Variants in MACROD2 observed in about 807,000 individuals in gnomAD.
MACROD2 encodes the protein mono-ADP ribosylhydrolase 2, also known as ADP-ribose glycohydrolase MACROD2.
MACROD2 carries 36 observed loss-of-function variants against 70.4 expected under a neutral mutation model. That is an observed-to-expected ratio of 0.51 (90% CI 0.39 to 0.68). MACROD2 has a LOEUF of 0.68. Ranked by LOEUF, MACROD2 falls within the 30% of genes least tolerant of loss-of-function variation. The probability of loss-of-function intolerance (pLI) is 0.00; values close to 1 mark genes in which losing one functional copy is unlikely to be tolerated. For synonymous variants in MACROD2, 172 were observed against 178.8 expected (o/e 0.96, Z 0.30); for missense variants, 496 against 538.4 (o/e 0.92, Z 0.78).
intron 5 of MACROD2, among the ~76,000 whole-genome samples, chr20:15,171,577 C>T (rs564565359): frequency 6.6e-6 from 1 of 152,196 alleles, no homozygotes; most frequent in East Asian, 1.9e-4. Context: ...TTAACTTGTA[C>T]TTTCTTTAGC....
chr20:14,607,741 T>A (rs1982899217), intron 4 of MACROD2, among the ~76,000 whole-genome samples: 1 of 152,194 alleles, frequency 6.6e-6, no homozygotes, highest in Non-Finnish European at 1.5e-5. Context: ...GGAGCCACTT[T>A]ATGAATCATA....
intron 6 of MACROD2, among the ~76,000 whole-genome samples, chr20:15,269,116 G>A (rs1210745543): frequency 6.6e-6 from 1 of 152,224 alleles, no homozygotes; most frequent in African/African-American, 2.4e-5. Flanking sequence ...ATTGTTAAAT[G>A]ATTTCATTGG....
At chr20:14,854,675 C>G (rs1387004018) in intron 5 of MACROD2, among the ~76,000 whole-genome samples, 1 of 152,132 alleles carries the variant, frequency 6.6e-6, no homozygotes, top group Non-Finnish European at 1.5e-5. Context: ...GGAAAGAATG[C>G]AGGTTTCGTG....
At chr20:15,583,126 T>A (rs1474115390) in intron 8 of MACROD2, among the ~76,000 whole-genome samples, 1 of 152,166 alleles carries the variant, frequency 6.6e-6, no homozygotes, top group African/African-American at 2.4e-5. Flanking sequence ...ATTTATCCTT[T>A]CCAAACCCAG....
chr20:14,331,100 A>G (rs1271557966), intron 3 of MACROD2, among the ~76,000 whole-genome samples: 1 of 152,106 alleles, frequency 6.6e-6, no homozygotes, highest in African/African-American at 2.4e-5. Context: ...GAGGCAATAT[A>G]TACTTGAGAT....
intron 5 of MACROD2, among the ~76,000 whole-genome samples, chr20:14,903,570 T>A (rs955985429): frequency 1.4e-5 from 1 of 69,180 alleles, no homozygotes; most frequent in South Asian, 6.2e-4. Flanking sequence ...TAAATTTTTA[T>A]TTAAAAATTA....
intron 8 of MACROD2, among the ~76,000 whole-genome samples, chr20:15,844,197 G>A (rs1336498001): frequency 6.6e-6 from 1 of 152,066 alleles, no homozygotes; most frequent in Non-Finnish European, 1.5e-5. Flanking sequence ...GACTAGGACT[G>A]CATTTGGTGA....
In MACROD2 at chr20:14,179,878, T is replaced by C. The variant is rs1601318786; in HGVS notation, c.271+94150T>C. ...CTAGATAGTGTGTCTAGAATATTAG[T>C]GTAAAATTAGAAATTGTTTTACATT... On this transcript the variant is annotated intron_variant, in intron 3 of 17. Transcript: ENST00000684519. Among the ~76,000 whole-genome samples the C allele has an allele frequency of 2.6e-5, 4 of 152,326 alleles. No homozygotes were observed. The South Asian group carries it at 6.2e-4, about 24-fold the overall frequency.
chr20:14,313,092 GTATAT>G (rs1365948356), intron 3 of MACROD2, among the ~76,000 whole-genome samples: 2 of 152,162 alleles, frequency 1.3e-5, no homozygotes, highest in Non-Finnish European at 1.5e-5. Flanking sequence ...AGATTCTACA[GTATAT>G]TATAGAATTC....
chr20:14,583,279 G>T (rs763591615), intron 4 of MACROD2, among the ~76,000 whole-genome samples: 1 of 152,086 alleles, frequency 6.6e-6, no homozygotes, highest in Non-Finnish European at 1.5e-5. Flanking sequence ...GACCGTTAGG[G>T]GCCAGAATAA....
At chr20:15,951,370 A>G (rs201345569) in intron 12 of MACROD2, among the ~76,000 whole-genome samples, 7 of 148,044 alleles carry the variant, frequency 4.7e-5, no homozygotes, top group African/African-American at 1.5e-4. Context: ...GAGAGAGAGA[A>G]AGAGCACAGG....
At chr20:14,479,308 C>CG (rs143734935) in intron 3 of MACROD2, among the ~76,000 whole-genome samples, 139 of 152,194 alleles carry the variant, frequency 9.1e-4, no homozygotes, top group Non-Finnish European at 1.4e-3. Flanking sequence ...CCTGATGCCC[C>CG]GTGCTGGTGC....
At chr20:14,801,683 G>C (rs367670228) in intron 5 of MACROD2, among the ~76,000 whole-genome samples, 1 of 152,066 alleles carries the variant, frequency 6.6e-6, no homozygotes, top group Non-Finnish European at 1.5e-5. Flanking sequence ...TGTGCAGACT[G>C]CTGCTATATG....
intron 10 of MACROD2, among the ~76,000 whole-genome samples, chr20:15,898,141 C>T (rs2065002214): frequency 6.6e-6 from 1 of 152,090 alleles, no homozygotes; most frequent in African/African-American, 2.4e-5. Flanking sequence ...CTAAAACTGA[C>T]ATAGGCAAAT....
At chr20:15,203,012 A>C (rs1172794084) in intron 5 of MACROD2, among the ~76,000 whole-genome samples, 1 of 152,174 alleles carries the variant, frequency 6.6e-6, no homozygotes, top group Non-Finnish European at 1.5e-5. Context: ...AAGAAAGAAG[A>C]AAAAATAGAT....
intron 15 of MACROD2, among the ~76,000 whole-genome samples, chr20:16,026,576 G>A (rs1212666348): frequency 5.0e-4 from 76 of 152,140 alleles, no homozygotes; most frequent in Non-Finnish European, 1.6e-4. Flanking sequence ...CACTAGTGAT[G>A]GGGTGGAAAT....
At chr20:15,784,095 C>T (rs1288917505) in intron 8 of MACROD2, among the ~76,000 whole-genome samples, 1 of 151,974 alleles carries the variant, frequency 6.6e-6, no homozygotes. Flanking sequence ...TCTCAAATGT[C>T]GAATCTGTGG....
chr20:14,749,326 G>A (rs2071839529), intron 5 of MACROD2, among the ~76,000 whole-genome samples: 1 of 151,830 alleles, frequency 6.6e-6, no homozygotes, highest in South Asian at 2.1e-4. Context: ...CTTTCTTAGT[G>A]CCAGGGAGAT....
At chr20:14,576,350 C>T (rs1258802739) in intron 4 of MACROD2, among the ~76,000 whole-genome samples, 1 of 152,084 alleles carries the variant, frequency 6.6e-6, no homozygotes, top group African/African-American at 2.4e-5. Flanking sequence ...ACCACAAAGC[C>T]CTGCTGCCAC....
Sources: gnomAD v4.1 joint callset for allele counts (sites outside exome capture counted in the v4.1 genomes callset) on GRCh38, gnomAD v4.1.1 for gene constraint, MANE v1.5 for transcripts, NCBI Gene and HGNC (gene_info 2026-07-23, HGNC 2026-07-21) for gene names.